The following IL20RB variants were observed in gnomAD, a reference collection of about 807,000 sequenced individuals.
IL20RB encodes interleukin-20 receptor subunit beta.
A neutral mutation model predicts 33.3 loss-of-function variants in IL20RB; 21 were observed. The observed-to-expected ratio is 0.63, with a 90% CI of 0.45 to 0.91. The LOEUF (loss-of-function observed/expected upper bound fraction) is 0.91, where lower values mean the gene tolerates loss of function less well. Among genes scored for constraint, IL20RB ranks in the 40% least tolerant of loss-of-function variants. The pLI, the probability that IL20RB is intolerant of heterozygous loss-of-function variation, is 0.00. For synonymous variants in IL20RB, 147 were observed against 146.8 expected, an observed-to-expected ratio of 1.00 and a Z score of -0.01; for missense variants, 345 against 384.8, an observed-to-expected ratio of 0.90 and a Z score of 0.86.
intron 4 of IL20RB, among the ~76,000 whole-genome samples, 196 bp from the exon 5 acceptor site, chr3:136,991,742 G>A (rs1161075809): frequency 6.6e-6 from 1 of 152,116 alleles, no homozygotes; most frequent in African/African-American, 2.4e-5. Flanking sequence ...CTGAGTAGCT[G>A]GGATTACAGG....
intron 3 of IL20RB, among the ~76,000 whole-genome samples, chr3:136,987,870 G>A (rs967749418): frequency 1.2e-4 from 19 of 152,248 alleles, no homozygotes; most frequent in African/African-American, 3.6e-4. Context: ...AGGGCCGGCC[G>A]GCTGCTCCGA....
At chr3:136,993,539 T>C (rs1436442405) in intron 5 of IL20RB, among the ~76,000 whole-genome samples, 6 of 152,172 alleles carry the variant, frequency 3.9e-5, no homozygotes, top group African/African-American at 1.4e-4. Flanking sequence ...GTCATTTACA[T>C]TAGGTATATC....
Position 137,007,929 on chromosome 3 carries a change from C to T in IL20RB, c.826-2184C>T, listed in dbSNP as rs145511578. 4.8e-3 allele frequency among the ~76,000 whole-genome samples: 727 copies of T among 152,224 alleles called. 6 individuals are homozygous for T. Among genetic ancestry groups the T allele is most frequent in the Middle Eastern group, 0.027 (8 of 294 alleles). On this transcript the variant is annotated intron_variant, in intron 6 of 6. Coordinates refer to ENST00000329582, the MANE Select transcript of IL20RB (RefSeq NM_144717.4). ...ATTCAGCCATCTTGGAACGCAATCC[C>T]ACCAAGTAAAAATCTAAAGCAAAAC...
chr3:137,003,653 A>C (rs1371787722), intron 6 of IL20RB, among the ~76,000 whole-genome samples: 2 of 152,184 alleles, frequency 1.3e-5, no homozygotes, highest in African/African-American at 4.8e-5. Flanking sequence ...TTATAAGCTT[A>C]AGGAGATTTT....
At chr3:136,993,992 G>A (rs1009210628) in intron 5 of IL20RB, among the ~76,000 whole-genome samples, 39 of 144,842 alleles carry the variant, frequency 2.7e-4, no homozygotes, top group African/African-American at 1.0e-3. Flanking sequence ...CAGCCTGGGT[G>A]ACAGAGCAAG....
At chr3:136,993,720 C>A (rs942914250) in intron 5 of IL20RB, among the ~76,000 whole-genome samples, 1 of 151,976 alleles carries the variant, frequency 6.6e-6, no homozygotes, top group South Asian at 2.1e-4. Flanking sequence ...GGTTCTCCCT[C>A]ATTTTTAAAG....
chr3:136,976,809 A>G (rs1941629624), intron 1 of IL20RB, among the ~76,000 whole-genome samples: 1 of 152,232 alleles, frequency 6.6e-6, no homozygotes, highest in African/African-American at 2.4e-5. Flanking sequence ...TTTGGGTCTC[A>G]GAAAAAGTGT....
chr3:136,987,468 A>G (rs564263628), intron 3 of IL20RB, among the ~76,000 whole-genome samples: 1 of 152,212 alleles, frequency 6.6e-6, no homozygotes, highest in South Asian at 2.1e-4. Context: ...ACAATCCCTG[A>G]GCTAGACATA....
At chr3:136,959,202 C>A (rs563759621) in intron 1 of IL20RB, 2 of 152,236 alleles carry the variant, frequency 1.3e-5, no homozygotes, top group Non-Finnish European at 2.9e-5. Context: ...CTATTTCTCA[C>A]TACTCCTTGA....
chr3:136,978,437 A>T (rs995120961), intron 1 of IL20RB, among the ~76,000 whole-genome samples: 2 of 152,094 alleles, frequency 1.3e-5, no homozygotes, highest in African/African-American at 4.8e-5. Flanking sequence ...AAGTGCTGGG[A>T]TTATGGTGTG....
At chr3:136,989,335 C>A in intron 3 of IL20RB, 106 bp from the exon 4 acceptor site, 2 of 1,351,674 alleles carry the variant, frequency 1.5e-6, no homozygotes, top group South Asian at 1.3e-5. Context: ...CTCCCTTCCT[C>A]TCCTACGGAG....
intron 6 of IL20RB, among the ~76,000 whole-genome samples, chr3:137,008,672 G>T (rs1239717290): frequency 6.6e-6 from 1 of 152,116 alleles, no homozygotes; most frequent in Non-Finnish European, 1.5e-5. Flanking sequence ...CAGTAGAAAT[G>T]TGGCTCGTCC....
intron 1 of IL20RB, among the ~76,000 whole-genome samples, chr3:136,979,421 C>T (rs2108195515): frequency 6.6e-6 from 1 of 152,288 alleles, no homozygotes; most frequent in Middle Eastern, 3.4e-3. Context: ...CAGCCCCACC[C>T]CCACTATGCT....
In IL20RB at chr3:137,011,011, GC is replaced by G. The variant is rs1297629284; in HGVS notation, c.*789del. On this transcript the variant is annotated 3_prime_UTR_variant, in exon 7 of 7. Coordinates refer to ENST00000329582, the MANE Select transcript of IL20RB (RefSeq NM_144717.4). ...TCAGTAACATGTGCATGTTTGTTGT[GC>G]TCCTTTTTTCTGTTGGTAAAGTACA... 1 of 152,206 alleles carries G rather than the reference GC, an allele frequency of 6.6e-6. No homozygotes were observed. The allele number at this position is 152,206 out of a possible 1,614,324, so 9.4% of individuals were successfully genotyped here.
intron 1 of IL20RB, among the ~76,000 whole-genome samples, chr3:136,964,377 ATTGCCGT>A (rs2108174620): frequency 9.5e-6 from 1 of 104,722 alleles, no homozygotes; most frequent in Non-Finnish European, 1.9e-5. Context: ...CTTTTTAATG[ATTGCCGT>A]TCTAACTGGT....
At chr3:136,989,406 G>A in intron 3 of IL20RB, 35 bp from the exon 4 acceptor site, 2 of 1,611,900 alleles carry the variant, frequency 1.2e-6, no homozygotes. Flanking sequence ...CCCTGTCTGG[G>A]GCTGGCTTTG....
At chr3:136,979,963 T>G (rs1941726379) in intron 1 of IL20RB, among the ~76,000 whole-genome samples, 1 of 152,158 alleles carries the variant, frequency 6.6e-6, no homozygotes, top group Non-Finnish European at 1.5e-5. Context: ...TAAAGCCACA[T>G]AGTAAGTGGC....
chr3:137,007,250 C>T (rs963876036), intron 6 of IL20RB, among the ~76,000 whole-genome samples: 14 of 152,178 alleles, frequency 9.2e-5, no homozygotes, highest in African/African-American at 3.4e-4. Context: ...GGGTCAGTGA[C>T]CCACTTGAAG....
At chr3:137,003,364 A>T (rs1942285025) in intron 6 of IL20RB, among the ~76,000 whole-genome samples, 1 of 152,150 alleles carries the variant, frequency 6.6e-6, no homozygotes, top group South Asian at 2.1e-4. Flanking sequence ...TTTGGGCAGT[A>T]TGGCCATTTT....
Sources: allele counts gnomAD v4.1 joint callset (sites outside exome capture counted in the v4.1 genomes callset), GRCh38; gene constraint gnomAD v4.1.1; transcripts MANE v1.5; gene names NCBI Gene and HGNC (gene_info 2026-07-23, HGNC 2026-07-21).